CTSE: variants seen among roughly 807,000 people sequenced by gnomAD.
CTSE encodes the protein cathepsin E.
A neutral mutation model predicts 42.8 loss-of-function variants in CTSE; 43 were observed. The observed-to-expected ratio is 1.01, with a 90% CI of 0.79 to 1.30. The LOEUF is 1.30. Among genes scored for constraint, CTSE ranks in the 50% most tolerant of loss-of-function variants. The probability of loss-of-function intolerance (pLI) is 0.00; values close to 1 mark genes in which losing one functional copy is unlikely to be tolerated. For synonymous variants in CTSE, 205 were observed against 191.5 expected (o/e 1.07, Z -0.58); for missense variants, 532 against 493.5 (o/e 1.08, Z -0.74).
intron 4 of CTSE, among the ~76,000 whole-genome samples, chr1:206,018,794 C>T (rs1661330829): frequency 6.6e-6 from 1 of 151,878 alleles, no homozygotes; most frequent in East Asian, 1.9e-4. Flanking sequence ...ATGTGAGAGG[C>T]TAACCAATTT....
Position 206,022,202 on chromosome 1 carries a change from A to G in CTSE, c.291T>C (p.Thr97=). Reference sequence around the variant, plus strand: ...AGGGGACCCAGAGGTTGGAGGAGCCAGTGTCGAAGATGACAGTGAAGTTCT... The same window carrying G: ...AGGGGACCCAGAGGTTGGAGGAGCCGGTGTCGAAGATGACAGTGAAGTTCT... ...PPQNFTVIFD[T]GSSNLWVPSV... is the part of the protein sequence containing the mutation. Residue 97 remains threonine (T), a synonymous_variant, in exon 3 of 9, where the codon ACT becomes ACC. Coordinates refer to ENST00000358184, the MANE Select transcript of CTSE (RefSeq NM_001910.4). 6 of 1,613,258 alleles carry G rather than the reference A, an allele frequency of 3.7e-6. No homozygotes were observed. The highest frequency in any genetic ancestry group is 5.1e-6 in the Non-Finnish European group (6 of 1,179,440).
chr1:206,022,003 C>T lies in CTSE; in HGVS notation c.343+147G>A, dbSNP rs571316484. ...TCTATCTCTGCTATAAGCAGTTCCA[C>T]GGCTGACTCAAAGATGGAGAGTGGA... is the stretch of plus-strand genomic sequence containing the variant. On this transcript the variant is annotated intron_variant, in intron 3 of 8. Transcript: ENST00000358184. The T allele has an allele frequency of 1.0e-3, 594 of 573,002 alleles. 2 individuals carry two copies. The highest frequency in any genetic ancestry group is 3.3e-3 in the Middle Eastern group (9 of 2,750). The allele number at this position is 573,002 out of a possible 1,614,324, so 35.5% of individuals were successfully genotyped here.
rs149633615 is a variant in CTSE at position 206,009,998 on chromosome 1, A to AGTGT, written c.*181_*184dup. On this transcript the variant is annotated 3_prime_UTR_variant, in exon 9 of 9. Coordinates refer to ENST00000358184, the MANE Select transcript of CTSE (RefSeq NM_001910.4). ...TGGTGGGAGTGGTGTGTATGTGTGA[A>AGTGT]GTGTGTGTGTGTGTATATGTGTGTG... is the stretch of plus-strand genomic sequence containing the variant. 7.5e-5 allele frequency: 44 copies of AGTGT among 586,934 alleles called. No individual in the cohort carries two copies. Among genetic ancestry groups the AGTGT allele is most frequent in the Non-Finnish European group, 1.2e-4 (39 of 329,956 alleles). 36.4% of individuals were successfully genotyped at this position (586,934 alleles called of 1,614,324 possible).
intron 4 of CTSE, among the ~76,000 whole-genome samples, chr1:206,017,035 G>A (rs558882306): frequency 6.6e-6 from 1 of 151,990 alleles, no homozygotes; most frequent in Non-Finnish European, 1.5e-5. Flanking sequence ...TATGAGCATG[G>A]TTTAGTTTTC....
rs1352768215 is a variant in CTSE at position 206,023,865 on chromosome 1, C to G, written c.-74G>C. 2 of 1,480,436 alleles carry G rather than the reference C, an allele frequency of 1.4e-6. No homozygotes were observed. The highest frequency in any genetic ancestry group is 1.9e-6 in the Non-Finnish European group (2 of 1,064,506). 91.7% of individuals were successfully genotyped at this position (1,480,436 alleles called of 1,614,324 possible). ...CCCGAGGGCAGTGGGAACGGACTTT[C>G]CCTAACTCTCAGACCTGCCCAGCCC... On this transcript the variant is annotated 5_prime_UTR_variant, in exon 1 of 9. Coordinates refer to ENST00000358184, the MANE Select transcript of CTSE (RefSeq NM_001910.4).
At chr1:206,012,683 C>T in intron 6 of CTSE, 34 bp from the exon 7 acceptor site, 1 of 1,603,482 alleles carries the variant, frequency 6.2e-7, no homozygotes, top group Non-Finnish European at 8.5e-7. Flanking sequence ...GCCCACCTTC[C>T]CTCCCCCGGC....
chr1:206,011,206 G>C (rs574320078), intron 8 of CTSE, among the ~76,000 whole-genome samples: 1 of 152,036 alleles, frequency 6.6e-6, no homozygotes, highest in South Asian at 2.1e-4. Context: ...ACCATGCCCG[G>C]TCAGGTCATG....
In CTSE at chr1:206,016,000, G is replaced by A; in HGVS notation, c.593C>T (p.Thr198Ile). ...AGCCATCATGTTGTCAAATACTGGA[G>A]TCACTCCTCCCACAGCCAAGGAGGG... ...GYPSLAVGGV[T>I]PVFDNMMAQN... is the part of the protein sequence containing the mutation. Residue 198 changes from threonine (T) to isoleucine (I), a missense_variant, in exon 5 of 9, where the codon ACT (threonine) becomes ATT (isoleucine). Transcript: ENST00000358184. 1.9e-6 allele frequency: 3 copies of A among 1,613,862 alleles called. No homozygotes were observed. Among genetic ancestry groups the A allele is most frequent in the Non-Finnish European group, 2.5e-6 (3 of 1,179,894 alleles).
chr1:206,021,294 A>G (rs1571821089), intron 3 of CTSE, 127 bp from the exon 4 acceptor site: 1 of 711,544 alleles, frequency 1.4e-6, no homozygotes, highest in East Asian at 2.5e-5. Context: ...GGGGGCCCCT[A>G]GAAGCCTGGT....
Position 206,023,070 on chromosome 1 carries a change from C to A in CTSE, c.69-13G>T, listed in dbSNP as rs1553278731. 1.9e-6 allele frequency: 3 copies of A among 1,612,328 alleles called. No individual in the cohort carries two copies. Among genetic ancestry groups the A allele is most frequent in the Admixed American group, 1.7e-5 (1 of 59,970 alleles). On this transcript the variant is annotated splice_polypyrimidine_tract_variant and intron_variant, in intron 1 of 8. Transcript: ENST00000358184. ...CCTGAGGGGCACCCTGGAGACAAACCCCCATGTAAGCAGGAGATGTACTTC... is the reference window on the plus strand; with the variant it reads ...CCTGAGGGGCACCCTGGAGACAAACACCCATGTAAGCAGGAGATGTACTTC...
chr1:206,013,721 C>T (rs1553277402), intron 6 of CTSE, 51 bp downstream of exon 6: 3 of 1,588,016 alleles, frequency 1.9e-6, no homozygotes, highest in Admixed American at 1.7e-5. Context: ...TGAGTTGTGC[C>T]TCTTTTCAGT....
At position 206,009,805 on chromosome 1, in the gene CTSE, GA is replaced by G; in HGVS notation, c.*377del. ...AGATAAACAGGCCTGGCCGTGTGTG[GA>G]TGGGTTGTCAGGGCTGAGTGGAGTT... is the stretch of plus-strand genomic sequence containing the variant. On this transcript the variant is annotated 3_prime_UTR_variant, in exon 9 of 9. Coordinates refer to ENST00000358184, the MANE Select transcript of CTSE (RefSeq NM_001910.4). 2 of 252,382 alleles carry G rather than the reference GA, an allele frequency of 7.9e-6. No homozygotes were observed. The highest frequency in any genetic ancestry group is 1.0e-4 in the East Asian group (1 of 9,914). 15.6% of individuals were successfully genotyped at this position (252,382 alleles called of 1,614,324 possible).
In CTSE at chr1:206,015,977, CCAT is replaced by C. The variant is rs1221742226; in HGVS notation, c.613_615del (p.Met205del). 1.2e-6 allele frequency: 2 copies of C among 1,613,866 alleles called. No homozygotes were observed. Among genetic ancestry groups the C allele is most frequent in the East Asian group, 2.2e-5 (1 of 44,882 alleles). On this transcript the variant is annotated inframe_deletion, in exon 5 of 9. Coordinates refer to ENST00000358184, the MANE Select transcript of CTSE (RefSeq NM_001910.4). ...ATCGGCAAGTCCACCAGGTTCTGAG[CCAT>C]CATGTTGTCAAATACTGGAGTCACT...
rs782575196 is a variant in CTSE, at chr1:206,022,968, A to G, written c.158T>C (p.Met53Thr). The G allele has an allele frequency of 2.5e-6, 4 of 1,611,698 alleles. No homozygotes were observed. In the East Asian group the frequency reaches 8.9e-5, roughly 36 times the overall value. ...SEFWKSHNLD[M>T]IQFTESCSMD... is the part of the protein sequence containing the mutation. Reference sequence around the variant, plus strand: ...TGAGCAGGACTCGGTGAACTGGATCATGTCCAAATTATGGGATTTCCAGAA... The same window carrying G: ...TGAGCAGGACTCGGTGAACTGGATCGTGTCCAAATTATGGGATTTCCAGAA... The change falls in exon 2 of 9, where the codon ATG (methionine) becomes ACG (threonine). Residue 53 changes from methionine (M) to threonine (T), a missense_variant. Physicochemically the swap from Met to Thr is moderately conservative, Grantham distance 81. Transcript: ENST00000358184.
chr1:206,022,087 CAG>C (rs1661447132), intron 3 of CTSE, 61 bp downstream of exon 3: 4 of 1,149,916 alleles, frequency 3.5e-6, no homozygotes, highest in Non-Finnish European at 4.9e-6. Context: ...CCCAGAGTAC[CAG>C]GCTTGGCCTC....
rs782088160 is a variant in CTSE, at chr1:206,013,808, A to G, written c.749T>C (p.Val250Ala). ...HFSGSLNWVP[V>A]TKQAYWQIAL... ...AATCTGCCAGTAAGCTTGCTTGGTG[A>G]CTGGGACCCAATTCAGGCTCCCAGA... is the stretch of plus-strand genomic sequence containing the variant. Residue 250 changes from valine (V) to alanine (A), a missense_variant, in exon 6 of 9, where the codon GTC becomes GCC. Transcript: ENST00000358184. The G allele has an allele frequency of 1.7e-5, 27 of 1,613,772 alleles. No individual in the cohort carries two copies. The highest frequency in any genetic ancestry group is 2.2e-5 in the South Asian group (2 of 91,066).
At chr1:206,019,438 T>C (rs1661350411) in intron 4 of CTSE, among the ~76,000 whole-genome samples, 1 of 151,864 alleles carries the variant, frequency 6.6e-6, no homozygotes, top group Non-Finnish European at 1.5e-5. Context: ...GATGATTTGT[T>C]AGAGGTAAGT....
Position 206,023,823 on chromosome 1 carries a change from C to T in CTSE, c.-32G>A, listed in dbSNP as rs782147432. Reference sequence around the variant, plus strand: ...TCCGACCAGCAGCTTCTCCCTTGCCCCCTCCTTTCTTCTCTCCCCGAGGGC... The same window carrying T: ...TCCGACCAGCAGCTTCTCCCTTGCCTCCTCCTTTCTTCTCTCCCCGAGGGC... On this transcript the variant is annotated 5_prime_UTR_variant, in exon 1 of 9. Transcript: ENST00000358184. The T allele has an allele frequency of 1.2e-6, 2 of 1,609,634 alleles. No homozygotes were observed. The highest frequency in any genetic ancestry group is 1.7e-6 in the Non-Finnish European group (2 of 1,176,248).
chr1:206,012,234 G>A, intron 8 of CTSE, 74 bp downstream of exon 8: 5 of 1,255,030 alleles, frequency 4.0e-6, no homozygotes, highest in East Asian at 2.4e-5. Context: ...GCAAAGTGCA[G>A]GCGATTGAAA....
Sources: gnomAD v4.1 joint callset for allele counts (sites outside exome capture counted in the v4.1 genomes callset) on GRCh38, gnomAD v4.1.1 for gene constraint, MANE v1.5 for transcripts, NCBI Gene and HGNC (gene_info 2026-07-23, HGNC 2026-07-21) for gene names.